Variants in FURIN observed in about 807,000 individuals in gnomAD.
FURIN encodes the protein furin, paired basic amino acid cleaving enzyme, also known as FES upstream region.
In FURIN, 18 loss-of-function variants were observed where a neutral mutation model predicts 89.2. The observed-to-expected ratio is 0.20, with a 90% CI of 0.14 to 0.30. FURIN has a LOEUF of 0.30. FURIN is among the 10% of genes least tolerant of loss of function. The pLI is 1.00. For missense variants in FURIN, 879 were observed against 1,100.5 expected (o/e 0.80, Z 2.85); for synonymous variants, 508 against 466.4 (o/e 1.09, Z -1.15).
chr15:90,874,446 A>G (rs1183623999), intron 1 of FURIN, among the ~76,000 whole-genome samples: 1 of 152,232 alleles, frequency 6.6e-6, no homozygotes, highest in South Asian at 2.1e-4. Context: ...AGGAAACTGT[A>G]AAAACGAGTC....
chr15:90,878,073 G>C, intron 7 of FURIN, 59 bp from the exon 8 acceptor site: 1 of 1,554,904 alleles, frequency 6.4e-7, no homozygotes, highest in South Asian at 1.1e-5. Context: ...CCTTGGGGTG[G>C]GGGCCCTGAC....
At position 90,879,807 on chromosome 15, in the gene FURIN, GGA is replaced by G. The variant is rs1567084440; in HGVS notation, c.1258+35_1258+36del. The G allele has an allele frequency of 2.5e-6, 4 of 1,608,492 alleles. No homozygotes were observed. The East Asian group carries it at 8.9e-5, about 36-fold the overall frequency. On this transcript the variant is annotated intron_variant, in intron 11 of 15. Coordinates refer to ENST00000268171, the MANE Select transcript of FURIN (RefSeq NM_002569.4). ...CAGGCTGGCCCGGCAGGCTGGATGTGGAGTTAGGTAGAAGGCACTCTGTGCCT... is the reference window on the plus strand; with the variant it reads ...CAGGCTGGCCCGGCAGGCTGGATGTGGTTAGGTAGAAGGCACTCTGTGCCT...
At chr15:90,877,887 A>G (rs1327703528) in intron 7 of FURIN, among the ~76,000 whole-genome samples, 4 of 152,188 alleles carry the variant, frequency 2.6e-5, no homozygotes, top group Admixed American at 6.5e-5. Context: ...TTTGGGAACC[A>G]GAGACTCTTT....
At position 90,882,110 on chromosome 15, in the gene FURIN, A is replaced by G. The variant is rs1053024537; in HGVS notation, c.*232A>G. ...CTCAGCACCCCTTCCATGTGGAGAAAGGAGTGAAACCTTTAGGGCAGCTTG... is the reference window on the plus strand; with the variant it reads ...CTCAGCACCCCTTCCATGTGGAGAAGGGAGTGAAACCTTTAGGGCAGCTTG... On this transcript the variant is annotated 3_prime_UTR_variant, in exon 16 of 16. Transcript: ENST00000268171. 9.3e-6 allele frequency: 5 copies of G among 535,922 alleles called. No individual in the cohort carries two copies. The highest frequency in any genetic ancestry group is 7.9e-5 in the African/African-American group (4 of 50,600). 33.2% of individuals were successfully genotyped at this position (535,922 alleles called of 1,614,324 possible).
At chr15:90,879,009 A>C in intron 9 of FURIN, 33 bp downstream of exon 9, 2 of 1,342,940 alleles carry the variant, frequency 1.5e-6, no homozygotes, top group Non-Finnish European at 2.1e-6. Flanking sequence ...GGCTGGGGAG[A>C]TGGGGCTGCT....
Position 90,879,779 on chromosome 15 carries a change from G to C in FURIN, c.1258+5G>C. The C allele has an allele frequency of 6.2e-7, 1 of 1,612,958 alleles. No individual in the cohort carries two copies. The highest frequency in any genetic ancestry group is 8.5e-7 in the Non-Finnish European group (1 of 1,179,344). On this transcript the variant is annotated splice_donor_5th_base_variant and intron_variant, in intron 11 of 15. Coordinates refer to ENST00000268171, the MANE Select transcript of FURIN (RefSeq NM_002569.4). ...CCAATGGTGTGGGCCGGAAAGGTGAGGGCAGGCTGGCCCGGCAGGCTGGAT... is the reference window on the plus strand; with the variant it reads ...CCAATGGTGTGGGCCGGAAAGGTGACGGCAGGCTGGCCCGGCAGGCTGGAT...
Position 90,876,432 on chromosome 15 carries a change from CCA to C in FURIN, c.277-26_277-25del, listed in dbSNP as rs1166231744. 6.3e-7 allele frequency: 1 copy of C among 1,576,568 alleles called. No individual in the cohort carries two copies. Among genetic ancestry groups the C allele is most frequent in the Non-Finnish European group, 8.7e-7 (1 of 1,145,866 alleles). Reference sequence around the variant, plus strand: ...GAGCCCCTCTCGCCTCCTGCTCCACCCACACCATCTCTCCCTCACTCCCCCAC... The same window carrying C: ...GAGCCCCTCTCGCCTCCTGCTCCACCCACCATCTCTCCCTCACTCCCCCAC... On this transcript the variant is annotated intron_variant, in intron 3 of 15. Transcript: ENST00000268171. This position sits in a 1 kb window ranked among gnomAD's most constrained non-coding sequence, Gnocchi z 5.0.
intron 1 of FURIN, among the ~76,000 whole-genome samples, chr15:90,871,913 C>T (rs1195273123): frequency 6.6e-6 from 1 of 151,378 alleles, no homozygotes; most frequent in African/African-American, 2.4e-5. Flanking sequence ...CTCGGCCCCC[C>T]GGCCGTGGCT....
intron 1 of FURIN, among the ~76,000 whole-genome samples, chr15:90,873,375 T>C (rs1981458): frequency 0.13 from 20,300 of 152,146 alleles, 1,792 homozygotes; most frequent in African/African-American, 0.24. Context: ...TAATCACTTT[T>C]AACGCCAAAC....
At position 90,880,194 on chromosome 15, in the gene FURIN, C is replaced by T; in HGVS notation, c.1477C>T (p.Leu493=). Residue 493 remains leucine, a synonymous_variant, in exon 13 of 16, where the codon CTG becomes TTG. Coordinates refer to ENST00000268171, the MANE Select transcript of FURIN (RefSeq NM_002569.4). Reference sequence around the variant, plus strand: ...GGAGCACGCTCAGGCGCGGCTCACCCTGTCCTATAATCGCCGTGGCGACCT... The same window carrying T: ...GGAGCACGCTCAGGCGCGGCTCACCTTGTCCTATAATCGCCGTGGCGACCT... The part of the protein sequence containing the change: ...RLEHAQARLT[L]SYNRRGDLAI... 6.2e-7 allele frequency: 1 copy of T among 1,612,792 alleles called. No homozygotes were observed. The highest frequency in any genetic ancestry group is 8.5e-7 in the Non-Finnish European group (1 of 1,179,728).
intron 13 of FURIN, 43 bp from the exon 14 acceptor site, chr15:90,880,648 G>A (rs191965587): frequency 3.4e-4 from 537 of 1,574,896 alleles, no homozygotes; most frequent in Middle Eastern, 1.2e-3. Flanking sequence ...CCTGGCTTGG[G>A]GTCCCGCAGA....
Position 90,876,426 on chromosome 15 carries a change from C to A in FURIN, c.277-36C>A. On this transcript the variant is annotated intron_variant, in intron 3 of 15. Transcript: ENST00000268171. The surrounding 1 kb of genome is among the most constrained non-coding windows in gnomAD (Gnocchi z 5.0). ...TCTCAGGAGCCCCTCTCGCCTCCTG[C>A]TCCACCCACACCATCTCTCCCTCAC... is the stretch of plus-strand genomic sequence containing the variant. 1 of 1,560,740 alleles carries A rather than the reference C, an allele frequency of 6.4e-7. No individual in the cohort carries two copies. The highest frequency in any genetic ancestry group is 8.8e-7 in the Non-Finnish European group (1 of 1,131,492).
chr15:90,880,873 C>T, intron 14 of FURIN, 57 bp from the exon 15 acceptor site: 1 of 1,609,986 alleles, frequency 6.2e-7, no homozygotes, highest in Admixed American at 1.7e-5. Context: ...GGATCTCGAG[C>T]ACTGGGTGTG....
chr15:90,877,257 C>G (rs774562149), intron 6 of FURIN, 46 bp downstream of exon 6: 3 of 1,448,094 alleles, frequency 2.1e-6, no homozygotes, highest in Admixed American at 3.9e-5. Flanking sequence ...CTCCTTTCTT[C>G]CACTAAGGAA....
Position 90,875,798 on chromosome 15 carries a change from C to G in FURIN, c.58C>G (p.Leu20Val). 6.4e-7 allele frequency: 1 copy of G among 1,560,092 alleles called. No individual in the cohort carries two copies. The highest frequency in any genetic ancestry group is 2.3e-5 in the East Asian group (1 of 42,554). ...AGCAGCAACAGGAACCTTGGTCCTG[C>G]TAGCAGCTGATGCTCAGGGCCAGAA... ...VVAATGTLVLLAADAQGQKVF... is the reference protein window; with the variant it reads ...VVAATGTLVLVAADAQGQKVF... The change falls in exon 2 of 16, where the codon CTA becomes GTA. Residue 20 changes from leucine (L) to valine (V), a missense_variant. This residue lies in a region of FURIN where 125 missense variants were observed against 125.0 expected (regional missense o/e 1.00). Coordinates refer to ENST00000268171, the MANE Select transcript of FURIN (RefSeq NM_002569.4).
In FURIN at chr15:90,876,816, G is replaced by A; in HGVS notation, c.373-80G>A. On this transcript the variant is annotated intron_variant, in intron 4 of 15. Coordinates refer to ENST00000268171, the MANE Select transcript of FURIN (RefSeq NM_002569.4). This position sits in a 1 kb window ranked among gnomAD's most constrained non-coding sequence, Gnocchi z 5.0. ...ATGGTACAGGAGGAGGTTTTACGGG[G>A]GCAAAGGGATTCTTCAAGATGCTCC... 2 of 1,492,938 alleles carry A rather than the reference G, an allele frequency of 1.3e-6. No homozygotes were observed. The highest frequency in any genetic ancestry group is 1.9e-6 in the Non-Finnish European group (2 of 1,079,580). 92.5% of individuals were successfully genotyped at this position (1,492,938 alleles called of 1,614,324 possible).
At chr15:90,875,008 C>A (rs1249548855) in intron 1 of FURIN, among the ~76,000 whole-genome samples, 1 of 147,658 alleles carries the variant, frequency 6.8e-6, no homozygotes, top group African/African-American at 2.5e-5. Flanking sequence ...TGATAGTCTT[C>A]ATCCTGCTTC....
rs2031934024 is a variant in FURIN, at chr15:90,881,024, C to T, written c.1776C>T (p.Ser592=). 6.2e-7 allele frequency: 1 copy of T among 1,612,940 alleles called. No individual in the cohort carries two copies. The highest frequency in any genetic ancestry group is 1.7e-5 in the Admixed American group (1 of 60,012). ...PESSGCKTLT[S]SQACVVCEEG... ...GCAGTGGCTGCAAGACCCTCACGTC[C>T]AGTCAGGCCTGTGTGGGTCAGTAGT... The change falls in exon 15 of 16, where the codon TCC becomes TCT. Residue 592 remains serine (S), a synonymous_variant. Coordinates refer to ENST00000268171, the MANE Select transcript of FURIN (RefSeq NM_002569.4). This position sits in a 1 kb window ranked among gnomAD's most constrained non-coding sequence, Gnocchi z 4.3.
At chr15:90,880,017 G>C (rs577961899) in intron 12 of FURIN, 33 bp downstream of exon 12, 1 of 1,608,012 alleles carries the variant, frequency 6.2e-7, no homozygotes. Context: ...GAGGGGGCCA[G>C]TGGGACCTGA....
Sources: gnomAD v4.1 joint callset for allele counts (sites outside exome capture counted in the v4.1 genomes callset) on GRCh38, gnomAD v4.1.1 for gene constraint, gnomAD v4.1.1 regional missense constraint, Gnocchi (gnomAD v3.1) non-coding constraint, MANE v1.5 for transcripts, NCBI Gene and HGNC (gene_info 2026-07-23, HGNC 2026-07-21) for gene names.